The following MAEA variants were observed in gnomAD, a reference collection of about 807,000 sequenced individuals.
MAEA encodes the protein macrophage erythroblast attacher, E3 ubiquitin ligase, also known as E3 ubiquitin-protein transferase MAEA.
In MAEA, 22 loss-of-function variants were observed where a neutral mutation model predicts 46.2. That is an observed-to-expected ratio of 0.48 (90% CI 0.34 to 0.68). MAEA has a LOEUF of 0.68. MAEA is among the 30% of genes least tolerant of loss of function. MAEA has a pLI of 0.01. For synonymous variants in MAEA, 246 were observed against 222.6 expected, an observed-to-expected ratio of 1.11 and a Z score of -0.94; for missense variants, 393 against 558.1, an observed-to-expected ratio of 0.70 and a Z score of 2.98.
intron 5 of MAEA, 106 bp downstream of exon 5, chr4:1,327,809 C>G: frequency 7.7e-6 from 7 of 909,916 alleles, no homozygotes; most frequent in Non-Finnish European, 1.2e-5. Context: ...TCCCCTGGGT[C>G]GTCCCCTGGG....
At chr4:1,309,385 T>A (rs1179929861) in intron 1 of MAEA, 1 of 1,241,140 alleles carries the variant, frequency 8.1e-7, no homozygotes, top group Admixed American at 3.9e-5. Context: ...GGGGAGCTTT[T>A]AGGGCCCGGA....
intron 1 of MAEA, among the ~76,000 whole-genome samples, chr4:1,305,784 T>C (rs1209748354): frequency 6.6e-6 from 1 of 151,710 alleles, no homozygotes; most frequent in Non-Finnish European, 1.5e-5. Context: ...TGTAAGGAGC[T>C]GTGTCACAAA....
intron 2 of MAEA, 108 bp from the exon 3 acceptor site, chr4:1,315,289 C>T (rs1194088537): frequency 9.4e-7 from 1 of 1,065,250 alleles, no homozygotes; most frequent in East Asian, 2.5e-5. Flanking sequence ...TCCCGTAATC[C>T]CTGCTTTTCT....
chr4:1,337,180 C>A, intron 7 of MAEA, 186 bp downstream of exon 7: 2 of 650,954 alleles, frequency 3.1e-6, no homozygotes, highest in Non-Finnish European at 5.2e-6. Context: ...GCCTCGGATG[C>A]GTCGTGCAGC....
intron 1 of MAEA, among the ~76,000 whole-genome samples, chr4:1,294,832 C>T (rs1007947121): frequency 2.6e-4 from 3 of 11,390 alleles, no homozygotes; most frequent in Non-Finnish European, 4.4e-4. Context: ...GGGGCAGGGG[C>T]GGGGGTGGGG....
intron 5 of MAEA, chr4:1,328,612 G>A (rs1224964717): frequency 9.8e-6 from 12 of 1,229,200 alleles, no homozygotes; most frequent in Middle Eastern, 2.3e-4. Flanking sequence ...AAACCCGACC[G>A]CGACTCCATA....
At chr4:1,309,534 A>G in intron 1 of MAEA, 1 of 1,393,736 alleles carries the variant, frequency 7.2e-7, no homozygotes, top group Non-Finnish European at 9.4e-7. Context: ...TGCTGCGCTC[A>G]TCCCCTGAAC....
chr4:1,311,440 G>T lies in MAEA; in HGVS notation c.70-539G>T, dbSNP rs1011993272. ...ATGGATGGTTCTTACGACTGGGGAA[G>T]GCAAACGCTGTCACACAGGAGAGGT... On this transcript the variant is annotated intron_variant, in intron 1 of 8. Coordinates refer to ENST00000303400, the MANE Select transcript of MAEA (RefSeq NM_001017405.3). The surrounding 1 kb of genome is among the most constrained non-coding windows in gnomAD (Gnocchi z 4.4). Among the ~76,000 whole-genome samples, 2 of 152,246 alleles carry T rather than the reference G, an allele frequency of 1.3e-5. No homozygotes were observed. Among genetic ancestry groups the T allele is most frequent in the Non-Finnish European group, 2.9e-5 (2 of 68,038 alleles).
chr4:1,319,906 G>A (rs1161110856), intron 3 of MAEA, among the ~76,000 whole-genome samples: 3 of 150,420 alleles, frequency 2.0e-5, no homozygotes, highest in Non-Finnish European at 1.5e-5. Context: ...AAACATGCAA[G>A]AAAACGCTAT....
chr4:1,334,854 C>T (rs1257580134), intron 6 of MAEA: 1 of 985,426 alleles, frequency 1.0e-6, no homozygotes. Flanking sequence ...TGAGGACCTT[C>T]TGGACTGTGG....
intron 1 of MAEA, among the ~76,000 whole-genome samples, chr4:1,297,804 T>C (rs886923137): frequency 2.6e-5 from 4 of 152,270 alleles, no homozygotes; most frequent in African/African-American, 9.6e-5. Context: ...ATCTCACTTT[T>C]GTCCACTTGC....
At chr4:1,335,294 C>T in intron 6 of MAEA, 1 of 985,506 alleles carries the variant, frequency 1.0e-6, no homozygotes, top group Non-Finnish European at 1.2e-6. Flanking sequence ...GTCCTTCCAG[C>T]TGTGTGAGTC....
chr4:1,306,519 AAAAAG>A (rs927060949), intron 1 of MAEA, among the ~76,000 whole-genome samples: 3 of 152,180 alleles, frequency 2.0e-5, no homozygotes, highest in African/African-American at 7.2e-5. Context: ...TGTCTCAAGA[AAAAAG>A]AAAAGAAAAG....
In MAEA at chr4:1,332,536, G is replaced by A. The variant is rs1711974584; in HGVS notation, c.657-221G>A. ...TGGAGACCAGCCTGGGCAACACAGC[G>A]AGAATCTGTCTCTAACAAGATGTTT... On this transcript the variant is annotated intron_variant, in intron 5 of 8. Transcript: ENST00000303400. 6 of 409,868 alleles carry A rather than the reference G, an allele frequency of 1.5e-5. 1 individual carries two copies. The highest frequency in any genetic ancestry group is 1.0e-4 in the South Asian group (4 of 38,254). The allele number at this position is 409,868 out of a possible 1,614,324, so 25.4% of individuals were successfully genotyped here. A position where few individuals can be genotyped will look rare whatever the true frequency, so the allele number is the denominator to read the frequency against.
At chr4:1,334,974 T>C (rs1712551853) in intron 6 of MAEA, 11 of 985,386 alleles carry the variant, frequency 1.1e-5, no homozygotes, top group Non-Finnish European at 1.3e-5. Context: ...CTGAGAAGCT[T>C]ACAGAGACTG....
At position 1,334,057 on chromosome 4, in the gene MAEA, C is replaced by T. The variant is rs180974857; in HGVS notation, c.765+1192C>T. Among the ~76,000 whole-genome samples, 26 of 23,826 alleles carry T rather than the reference C, an allele frequency of 1.1e-3. 6 individuals are homozygous for T. The highest frequency in any genetic ancestry group is 4.3e-3 in the South Asian group (4 of 930). 15.6% of individuals were successfully genotyped at this position (23,826 alleles called of 152,430 possible). ...TGCCCACCATGTGCTCACCCCTGCA[C>T]CCACCCCCATGCCCGTGTGCTCACC... On this transcript the variant is annotated intron_variant, in intron 6 of 8. Coordinates refer to ENST00000303400, the MANE Select transcript of MAEA (RefSeq NM_001017405.3).
intron 5 of MAEA, chr4:1,329,324 G>T (rs1228708794): frequency 6.1e-6 from 6 of 985,582 alleles, no homozygotes; most frequent in Non-Finnish European, 6.0e-6. Context: ...TCCGTGTAGG[G>T]TCTCTTTGCC....
At chr4:1,293,843 C>T (rs1015731291) in intron 1 of MAEA, among the ~76,000 whole-genome samples, 1 of 152,098 alleles carries the variant, frequency 6.6e-6, no homozygotes, top group African/African-American at 2.4e-5. Flanking sequence ...CCTGATGCCT[C>T]ACAGCCTGGG....
intron 3 of MAEA, among the ~76,000 whole-genome samples, chr4:1,316,487 AG>A (rs1246852159): frequency 6.6e-6 from 1 of 152,138 alleles, no homozygotes; most frequent in African/African-American, 2.4e-5. Context: ...AGAACCTCTC[AG>A]GCAGGACTTG....
Sources: allele counts gnomAD v4.1 joint callset (sites outside exome capture counted in the v4.1 genomes callset), GRCh38; gene constraint gnomAD v4.1.1; non-coding constraint Gnocchi (gnomAD v3.1); transcripts MANE v1.5; gene names NCBI Gene and HGNC (gene_info 2026-07-23, HGNC 2026-07-21).